TENM2: variants seen among roughly 807,000 people sequenced by gnomAD.
TENM2 encodes the protein teneurin-2.
In TENM2, 52 loss-of-function variants were observed where a neutral mutation model predicts 245.2. That is an observed-to-expected ratio of 0.21 (90% CI 0.17 to 0.27). The LOEUF is 0.27. Ranked by LOEUF, TENM2 falls within the 10% of genes least tolerant of loss-of-function variation. The pLI is 1.00. For synonymous variants in TENM2, 1,363 were observed against 1,438.9 expected (o/e 0.95, Z 1.19); for missense variants, 3,046 against 3,666.8 (o/e 0.83, Z 4.37).
intron 2 of TENM2, among the ~76,000 whole-genome samples, chr5:167,785,305 A>G (rs1421095244): frequency 6.6e-6 from 1 of 152,226 alleles, no homozygotes; most frequent in Non-Finnish European, 1.5e-5. Context: ...AGATGAATCA[A>G]TGATCTATTA....
chr5:167,465,251 TC>T (rs1470157996), intron 2 of TENM2, among the ~76,000 whole-genome samples: 3 of 152,258 alleles, frequency 2.0e-5, no homozygotes, highest in Non-Finnish European at 2.9e-5. Context: ...ATGGCTTTTT[TC>T]CCATGTAACG....
At chr5:168,053,995 A>G (rs1260245342) in intron 6 of TENM2, among the ~76,000 whole-genome samples, 1 of 152,254 alleles carries the variant, frequency 6.6e-6, no homozygotes, top group Non-Finnish European at 1.5e-5. Context: ...CAGCCACTCA[A>G]TAAATTTTAG....
At chr5:168,200,187 G>T in intron 17 of TENM2, 56 bp downstream of exon 19, 1 of 1,517,632 alleles carries the variant, frequency 6.6e-7, no homozygotes, top group South Asian at 1.3e-5. Flanking sequence ...GTGTTAATTC[G>T]ACCCATATTT....
intron 2 of TENM2, among the ~76,000 whole-genome samples, chr5:167,567,211 G>A (rs1484646741): frequency 1.3e-5 from 2 of 152,060 alleles, no homozygotes; most frequent in African/African-American, 4.8e-5. Context: ...AACTTCAAAG[G>A]TTATGCTCTT....
chr5:167,709,740 C>A (rs548361655), intron 2 of TENM2, among the ~76,000 whole-genome samples: 87 of 152,132 alleles, frequency 5.7e-4, no homozygotes, highest in Non-Finnish European at 1.0e-3. Context: ...AAGTTTTACA[C>A]CTTGTCTCTT....
chr5:167,546,625 A>G (rs1207484478), intron 2 of TENM2, among the ~76,000 whole-genome samples: 1 of 152,154 alleles, frequency 6.6e-6, no homozygotes, highest in Non-Finnish European at 1.5e-5. Flanking sequence ...GGTAGGATTG[A>G]TCGTGAATGG....
the TENM2 span, among the ~76,000 whole-genome samples, chr5:167,002,817 C>T: frequency 6.6e-6 from 1 of 151,882 alleles, no homozygotes; most frequent in Admixed American, 6.6e-5. Flanking sequence ...AATTATAATG[C>T]ATTTTAATTA....
chr5:167,393,156 A>T (rs530695490), intron 2 of TENM2, among the ~76,000 whole-genome samples: 2 of 152,036 alleles, frequency 1.3e-5, no homozygotes, highest in African/African-American at 4.8e-5. Context: ...GTTAATTTTT[A>T]TTAGGCAATA....
chr5:167,939,168 C>T (rs1172718782), intron 3 of TENM2, among the ~76,000 whole-genome samples: 1 of 152,114 alleles, frequency 6.6e-6, no homozygotes, highest in Non-Finnish European at 1.5e-5. Flanking sequence ...CACCGAGGAC[C>T]AGTTTCACGG....
intron 12 of TENM2, among the ~76,000 whole-genome samples, chr5:168,132,478 C>G (rs552460251): frequency 2.8e-4 from 43 of 152,286 alleles, no homozygotes; most frequent in African/African-American, 7.9e-4. Context: ...TGTTTTAGCT[C>G]TGTGGGGAGA....
chr5:167,292,376 C>T (rs759084923), intron 1 of TENM2, among the ~76,000 whole-genome samples: 1 of 152,182 alleles, frequency 6.6e-6, no homozygotes, highest in Non-Finnish European at 1.5e-5. Context: ...TAGATAAAGT[C>T]TTCCAAGCCT....
chr5:168,162,175 T>C (rs1757802187), intron 12 of TENM2, among the ~76,000 whole-genome samples: 1 of 152,162 alleles, frequency 6.6e-6, no homozygotes, highest in Admixed American at 6.5e-5. Context: ...TGGCGGGCAC[T>C]TTGCCTCCAT....
At chr5:168,010,912 C>G (rs765961722) in intron 5 of TENM2, among the ~76,000 whole-genome samples, 1 of 152,240 alleles carries the variant, frequency 6.6e-6, no homozygotes, top group Non-Finnish European at 1.5e-5. Flanking sequence ...GCTTCCTTTT[C>G]ATAACTGCTC....
the TENM2 span, among the ~76,000 whole-genome samples, chr5:167,154,894 A>G: frequency 6.6e-6 from 1 of 152,222 alleles, no homozygotes; most frequent in African/African-American, 2.4e-5. Context: ...AATAGACATA[A>G]GCTACTTTTA....
intron 19 of TENM2, among the ~76,000 whole-genome samples, chr5:168,209,945 G>A (rs1388733050): frequency 6.6e-6 from 1 of 152,162 alleles, no homozygotes; most frequent in African/African-American, 2.4e-5. Flanking sequence ...AGACCCTGAA[G>A]GCTTCCCAGA....
At chr5:168,107,020 A>T (rs1340784334) in intron 9 of TENM2, among the ~76,000 whole-genome samples, 20 of 152,130 alleles carry the variant, frequency 1.3e-4, no homozygotes, top group Admixed American at 1.3e-3. Flanking sequence ...AGATTTTGCC[A>T]CTGCACTCCA....
chr5:168,122,479 C>T (rs575419638), intron 10 of TENM2, among the ~76,000 whole-genome samples: 5 of 152,220 alleles, frequency 3.3e-5, no homozygotes, highest in African/African-American at 1.2e-4. Flanking sequence ...CCTGGCCCGC[C>T]CTTTGCCTTC....
At chr5:168,105,436 G>A (rs1317753068) in intron 9 of TENM2, among the ~76,000 whole-genome samples, 1 of 152,188 alleles carries the variant, frequency 6.6e-6, no homozygotes, top group Non-Finnish European at 1.5e-5. Flanking sequence ...AGGCAGGAAG[G>A]GGAACCTGGG....
chr5:167,054,186 C>G, the TENM2 span, among the ~76,000 whole-genome samples: 6 of 146,836 alleles, frequency 4.1e-5, no homozygotes, highest in South Asian at 8.5e-4. Context: ...ATCCTCTGTG[C>G]TCTATTTATT....
Sources: gnomAD v4.1 joint callset for allele counts (sites outside exome capture counted in the v4.1 genomes callset) on GRCh38, gnomAD v4.1.1 for gene constraint, MANE v1.5 for transcripts, NCBI Gene and HGNC (gene_info 2026-07-23, HGNC 2026-07-21) for gene names.